Variants in SOS2 observed in about 807,000 individuals in gnomAD.
SOS2 encodes son of sevenless homolog 2.
A neutral mutation model predicts 148.2 loss-of-function variants in SOS2; 65 were observed. The ratio of observed to expected loss-of-function variants is 0.44; its 90% CI spans 0.36 to 0.54. The LOEUF is 0.54. Ranked by LOEUF, SOS2 falls within the 20% of genes least tolerant of loss-of-function variation. SOS2 has a pLI of 0.00. For missense variants in SOS2, 1,341 were observed against 1,590.2 expected (o/e 0.84, Z 2.67); for synonymous variants, 539 against 537.1 (o/e 1.00, Z -0.05).
chr14:50,135,362 A>G (rs914549540), intron 18 of SOS2, among the ~76,000 whole-genome samples: 3 of 151,374 alleles, frequency 2.0e-5, no homozygotes, highest in Admixed American at 6.6e-5. Context: ...TTAAGCTTAA[A>G]TTTAAGTTTT....
At chr14:50,134,885 C>T (rs2139531499) in intron 18 of SOS2, among the ~76,000 whole-genome samples, 1 of 151,438 alleles carries the variant, frequency 6.6e-6, no homozygotes, top group African/African-American at 2.4e-5. Context: ...ACCAGCCTGA[C>T]CAACATGAAG....
chr14:50,194,453 ATTTTTTTTTTTTTTT>A (rs58933204), intron 4 of SOS2, among the ~76,000 whole-genome samples: 1 of 98,764 alleles, frequency 1.0e-5, no homozygotes, highest in Non-Finnish European at 1.9e-5. Context: ...ATCCCTTTCA[ATTTTTTTTTTTTTTT>A]TTTTTTTTTT....
intron 5 of SOS2, 106 bp downstream of exon 5, chr14:50,188,391 G>C (rs779215783): frequency 1.3e-6 from 1 of 753,848 alleles, no homozygotes; most frequent in Non-Finnish European, 2.2e-6. Context: ...CTGGGCAACA[G>C]AGCAAGACTC....
At chr14:50,200,472 T>C (rs1886452362) in intron 3 of SOS2, among the ~76,000 whole-genome samples, 1 of 152,164 alleles carries the variant, frequency 6.6e-6, no homozygotes, top group South Asian at 2.1e-4. Context: ...TTATACACTT[T>C]CTTAATCAAC....
At chr14:50,193,380 T>C (rs1156851876) in intron 4 of SOS2, among the ~76,000 whole-genome samples, 2 of 152,108 alleles carry the variant, frequency 1.3e-5, no homozygotes, top group East Asian at 3.8e-4. Flanking sequence ...CTTAAGCATT[T>C]ATGTTCAGTT....
chr14:50,187,930 A>G (rs1885970946), intron 5 of SOS2, among the ~76,000 whole-genome samples: 1 of 152,134 alleles, frequency 6.6e-6, no homozygotes, highest in Non-Finnish European at 1.5e-5. Flanking sequence ...CCACCTCCAA[A>G]TGAATGACTC....
At chr14:50,204,165 T>C in intron 2 of SOS2, 119 bp downstream of exon 2, 4 of 577,266 alleles carry the variant, frequency 6.9e-6, no homozygotes, top group Admixed American at 3.2e-5. Flanking sequence ...AAACTGACCA[T>C]ATATATCATA....
At chr14:50,228,509 T>C (rs1555324984) in intron 1 of SOS2, among the ~76,000 whole-genome samples, 3 of 152,202 alleles carry the variant, frequency 2.0e-5, no homozygotes. Flanking sequence ...GACTTTAACA[T>C]CTTACTAGTT....
intron 4 of SOS2, among the ~76,000 whole-genome samples, chr14:50,189,680 G>A (rs1886059617): frequency 1.3e-5 from 2 of 152,084 alleles, no homozygotes; most frequent in Middle Eastern, 3.2e-3. Context: ...TTACTACAAT[G>A]ACCACTGCTA....
intron 18 of SOS2, among the ~76,000 whole-genome samples, chr14:50,137,930 C>T (rs773410706): frequency 5.3e-5 from 8 of 152,152 alleles, no homozygotes; most frequent in Non-Finnish European, 1.2e-4. Flanking sequence ...GCCTCCACCT[C>T]CTGGGTTCAA....
At chr14:50,119,172 T>C (rs1398708609) in intron 22 of SOS2, among the ~76,000 whole-genome samples, 2 of 152,232 alleles carry the variant, frequency 1.3e-5, no homozygotes, top group African/African-American at 2.4e-5. Flanking sequence ...TGAAAGGACA[T>C]GATGTCTAGA....
At chr14:50,137,513 G>C (rs899603238) in intron 18 of SOS2, among the ~76,000 whole-genome samples, 2 of 152,138 alleles carry the variant, frequency 1.3e-5, no homozygotes, top group African/African-American at 4.8e-5. Flanking sequence ...AAAGTACTTA[G>C]TAACAATATT....
intron 7 of SOS2, among the ~76,000 whole-genome samples, chr14:50,175,428 C>CTTTTTTT (rs71441277): frequency 8.3e-6 from 1 of 119,870 alleles, no homozygotes; most frequent in Non-Finnish European, 1.7e-5. Flanking sequence ...AGGAGTAATA[C>CTTTTTTT]TTTTTTTTTT....
intron 10 of SOS2, among the ~76,000 whole-genome samples, chr14:50,158,987 A>G (rs770770114): frequency 6.6e-6 from 1 of 152,098 alleles, no homozygotes; most frequent in Non-Finnish European, 1.5e-5. Context: ...GATCGAAACC[A>G]TCCTGGCTAA....
In SOS2 at chr14:50,131,711, T is replaced by G. The variant is rs1337118881; in HGVS notation, c.3076-949A>C. Among the ~76,000 whole-genome samples, 4 of 152,220 alleles carry G rather than the reference T, an allele frequency of 2.6e-5. No homozygotes were observed. In the East Asian group the frequency reaches 7.7e-4, roughly 29 times the overall value. ...TGATGATGCTTGGGTAGAAGAATGG[T>G]GAGATCACTAATACTTTATGAAAAG... On this transcript the variant is annotated intron_variant, in intron 19 of 22. Transcript: ENST00000216373.
chr14:50,193,596 G>C (rs1886222164), intron 4 of SOS2, among the ~76,000 whole-genome samples: 2 of 152,002 alleles, frequency 1.3e-5, no homozygotes, highest in African/African-American at 4.8e-5. Flanking sequence ...GATATCCCTA[G>C]AAACCATATA....
At chr14:50,191,938 C>T (rs1886152402) in intron 4 of SOS2, among the ~76,000 whole-genome samples, 1 of 151,816 alleles carries the variant, frequency 6.6e-6, no homozygotes, top group African/African-American at 2.4e-5. Context: ...ATTGCTTGAG[C>T]CCAGGAGTTC....
chr14:50,139,308 C>T (rs910725089), intron 17 of SOS2, among the ~76,000 whole-genome samples: 1 of 152,026 alleles, frequency 6.6e-6, no homozygotes, highest in Non-Finnish European at 1.5e-5. Context: ...CTTTTTCATG[C>T]GTAATTGCTG....
intron 1 of SOS2, among the ~76,000 whole-genome samples, chr14:50,213,264 C>A (rs1404667696): frequency 6.6e-6 from 1 of 152,082 alleles, no homozygotes; most frequent in Non-Finnish European, 1.5e-5. Flanking sequence ...GGATGAAAAT[C>A]TTGATAGGAT....
Sources: allele counts gnomAD v4.1 joint callset (sites outside exome capture counted in the v4.1 genomes callset), GRCh38; gene constraint gnomAD v4.1.1; transcripts MANE v1.5; gene names NCBI Gene and HGNC (gene_info 2026-07-23, HGNC 2026-07-21).